PPARA: variants seen among roughly 807,000 people sequenced by gnomAD.
PPARA encodes the protein peroxisome proliferator activated receptor alpha.
In PPARA, 22 loss-of-function variants were observed where a neutral mutation model predicts 42.2. The observed-to-expected ratio is 0.52, with a 90% CI of 0.37 to 0.74. The LOEUF (loss-of-function observed/expected upper bound fraction) is 0.74, where lower values mean the gene tolerates loss of function less well. PPARA is among the 30% of genes least tolerant of loss of function. The pLI is 0.00. For missense variants in PPARA, 465 were observed against 608.2 expected (o/e 0.76, Z 2.48); for synonymous variants, 242 against 239.3 (o/e 1.01, Z -0.10).
chr22:46,205,554 ATTTTT>A (rs1322589111), intron 4 of PPARA, among the ~76,000 whole-genome samples: 14 of 12,892 alleles, frequency 1.1e-3, no homozygotes, highest in South Asian at 7.7e-3. Flanking sequence ...ATATATATAT[ATTTTT>A]TTTTTTTTTT....
At chr22:46,213,882 C>T (rs551522172) in intron 4 of PPARA, among the ~76,000 whole-genome samples, 1 of 152,376 alleles carries the variant, frequency 6.6e-6, no homozygotes, top group East Asian at 1.9e-4. Flanking sequence ...AGCCACCACG[C>T]CTAGCCCCCA....
chr22:46,223,371 G>C (rs893881954), intron 7 of PPARA, among the ~76,000 whole-genome samples: 1 of 152,010 alleles, frequency 6.6e-6, no homozygotes, highest in African/African-American at 2.4e-5. Context: ...GGCCAGGCGC[G>C]GTGGCTCATG....
At chr22:46,197,765 G>A (rs1256594809) in intron 3 of PPARA, among the ~76,000 whole-genome samples, 6 of 151,970 alleles carry the variant, frequency 3.9e-5, no homozygotes, top group South Asian at 4.1e-4. Context: ...CTAGCTGGGC[G>A]TGGTGGCGGG....
chr22:46,230,045 G>A lies in PPARA; in HGVS notation c.712-1747G>A, dbSNP rs774793330. On this transcript the variant is annotated intron_variant, in intron 7 of 8. Coordinates refer to ENST00000407236, the MANE Select transcript of PPARA (RefSeq NM_005036.6). The surrounding 1 kb of genome is among the most constrained non-coding windows in gnomAD (Gnocchi z 5.0). ...TCTTTAAATCCTGGGATGCTTCTGC[G>A]CTTTGGGCTCCACTGTTCCAGCAGT... Among the ~76,000 whole-genome samples the A allele has an allele frequency of 2.6e-5, 4 of 152,182 alleles. No homozygotes were observed. The highest frequency in any genetic ancestry group is 6.5e-5 in the Admixed American group (1 of 15,276).
intron 4 of PPARA, among the ~76,000 whole-genome samples, chr22:46,210,186 G>A (rs1456640181): frequency 6.6e-6 from 1 of 150,972 alleles, no homozygotes; most frequent in Admixed American, 6.6e-5. Flanking sequence ...GCACATGCCT[G>A]TAATCCCAGC....
At chr22:46,198,985 G>T (rs1932698040) in intron 4 of PPARA, among the ~76,000 whole-genome samples, 1 of 152,138 alleles carries the variant, frequency 6.6e-6, no homozygotes, top group Non-Finnish European at 1.5e-5. Context: ...AGCTGGAAAA[G>T]AAGTCACACT....
At position 46,173,157 on chromosome 22, in the gene PPARA, T is replaced by C. The variant is rs555793800; in HGVS notation, c.-126-3596T>C. Reference sequence around the variant, plus strand: ...TGTTTGCTAAATGTTTGAATTATGTTGAGTTGCTTAAAGTCATGCTATCGG... The same window carrying C: ...TGTTTGCTAAATGTTTGAATTATGTCGAGTTGCTTAAAGTCATGCTATCGG... On this transcript the variant is annotated intron_variant, in intron 2 of 8. Transcript: ENST00000407236. The surrounding 1 kb of genome is among the most constrained non-coding windows in gnomAD (Gnocchi z 4.3). Among the ~76,000 whole-genome samples the C allele has an allele frequency of 2.6e-5, 4 of 152,374 alleles. No homozygotes were observed. Among genetic ancestry groups the C allele is most frequent in the South Asian group, 4.1e-4 (2 of 4,828 alleles).
chr22:46,221,465 C>G lies in PPARA; in HGVS notation c.711+1451C>G, dbSNP rs568537043. Reference sequence around the variant, plus strand: ...GACAAACATGCCTACATTCTTTTTCCGCCTTCAGTGAAAAGACAGTGACAT... The same window carrying G: ...GACAAACATGCCTACATTCTTTTTCGGCCTTCAGTGAAAAGACAGTGACAT... On this transcript the variant is annotated intron_variant, in intron 7 of 8. Coordinates refer to ENST00000407236, the MANE Select transcript of PPARA (RefSeq NM_005036.6). The surrounding 1 kb of genome is among the most constrained non-coding windows in gnomAD (Gnocchi z 5.9). 6.6e-6 allele frequency among the ~76,000 whole-genome samples: 1 copy of G among 152,316 alleles called. No individual in the cohort carries two copies. Among genetic ancestry groups the G allele is most frequent in the African/African-American group, 2.4e-5 (1 of 41,580 alleles).
intron 2 of PPARA, among the ~76,000 whole-genome samples, chr22:46,153,021 G>C (rs1924681226): frequency 6.6e-6 from 1 of 152,204 alleles, no homozygotes; most frequent in African/African-American, 2.4e-5. Context: ...GGGAGGTGAA[G>C]GTTTTAGTGA....
intron 7 of PPARA, 81 bp downstream of exon 7, chr22:46,220,095 A>C: frequency 6.8e-7 from 1 of 1,459,954 alleles, no homozygotes; most frequent in Non-Finnish European, 9.5e-7. Flanking sequence ...ACATGTGTTG[A>C]ATGTTGAGAA....
At chr22:46,169,911 T>C (rs1029931001) in intron 2 of PPARA, among the ~76,000 whole-genome samples, 5 of 151,964 alleles carry the variant, frequency 3.3e-5, no homozygotes, top group African/African-American at 1.2e-4. Flanking sequence ...CCTGACTACG[T>C]TTACTTGAAT....
rs1470218741 is a variant in PPARA, at chr22:46,210,997, C to T, written c.209-4176C>T. On this transcript the variant is annotated intron_variant, in intron 4 of 8. Coordinates refer to ENST00000407236, the MANE Select transcript of PPARA (RefSeq NM_005036.6). ...GATGCCCCATGACTTCAGTGATCTT[C>T]CACTGTGGGAGGCGAGAGCAGGACT... is the stretch of plus-strand genomic sequence containing the variant. 7.2e-5 allele frequency among the ~76,000 whole-genome samples: 11 copies of T among 152,286 alleles called. No individual in the cohort carries two copies. The East Asian group carries it at 1.7e-3, about 24-fold the overall frequency.
At chr22:46,217,591 A>G (rs1450437478) in intron 5 of PPARA, among the ~76,000 whole-genome samples, 1 of 152,172 alleles carries the variant, frequency 6.6e-6, no homozygotes, top group Non-Finnish European at 1.5e-5. Flanking sequence ...CTTTAGTCAC[A>G]AATATGGAAA....
At chr22:46,209,835 T>C (rs1430101958) in intron 4 of PPARA, among the ~76,000 whole-genome samples, 2 of 152,106 alleles carry the variant, frequency 1.3e-5, no homozygotes, top group Non-Finnish European at 2.9e-5. Context: ...AGCCCCAACC[T>C]CCTCGTCTCA....
In PPARA at chr22:46,235,603, G is replaced by A. The variant is rs1012869353; in HGVS notation, c.*223G>A. ...GCTGGGGGTAGGTGGCTAATCTCAG[G>A]ACTGGGAAGATTACGGCGAATTATG... On this transcript the variant is annotated 3_prime_UTR_variant, in exon 9 of 9. Transcript: ENST00000407236. The surrounding 1 kb of genome is among the most constrained non-coding windows in gnomAD (Gnocchi z 7.0). 10 of 593,718 alleles carry A rather than the reference G, an allele frequency of 1.7e-5. No homozygotes were observed. The Admixed American group carries it at 2.7e-4, about 16-fold the overall frequency. 36.8% of individuals were successfully genotyped at this position (593,718 alleles called of 1,614,324 possible). A position where few individuals can be genotyped will look rare whatever the true frequency, so the allele number is the denominator to read the frequency against.
At position 46,231,449 on chromosome 22, in the gene PPARA, G is replaced by A. The variant is rs1476852889; in HGVS notation, c.712-343G>A. Among the ~76,000 whole-genome samples, 1 of 152,064 alleles carries A rather than the reference G, an allele frequency of 6.6e-6. No homozygotes were observed. The highest frequency in any genetic ancestry group is 2.4e-5 in the African/African-American group (1 of 41,384). On this transcript the variant is annotated intron_variant, in intron 7 of 8. Transcript: ENST00000407236. This position sits in a 1 kb window ranked among gnomAD's most constrained non-coding sequence, Gnocchi z 7.7. ...CTGGCCAGGCTGGTCTCGAACTCTT[G>A]ACCTCAGGTAAACCACCCACCTCAG... is the stretch of plus-strand genomic sequence containing the variant.
At chr22:46,205,939 A>G (rs1933259639) in intron 4 of PPARA, among the ~76,000 whole-genome samples, 1 of 151,870 alleles carries the variant, frequency 6.6e-6, no homozygotes, top group South Asian at 2.1e-4. Context: ...AACATGGTAT[A>G]TCTTTTCCCA....
Position 46,238,943 on chromosome 22 carries a change from C to T in PPARA, c.*3563C>T, listed in dbSNP as rs1390679463. 7.2e-5 allele frequency: 11 copies of T among 152,278 alleles called. No homozygotes were observed. The highest frequency in any genetic ancestry group is 2.0e-4 in the Admixed American group (3 of 15,274). 9.4% of individuals were successfully genotyped at this position (152,278 alleles called of 1,614,324 possible). A position where few individuals can be genotyped will look rare whatever the true frequency, so the allele number is the denominator to read the frequency against. ...CGGCTGCTGGTGCCTTTCTTCCCACCTCGCTTGCCTGTTTCCGCTTGACCC... is the reference window on the plus strand; with the variant it reads ...CGGCTGCTGGTGCCTTTCTTCCCACTTCGCTTGCCTGTTTCCGCTTGACCC... On this transcript the variant is annotated 3_prime_UTR_variant, in exon 9 of 9. Transcript: ENST00000407236. The surrounding 1 kb of genome is among the most constrained non-coding windows in gnomAD (Gnocchi z 8.3).
chr22:46,191,020 C>T lies in PPARA; in HGVS notation c.-42-7322C>T, dbSNP rs906520518. ...AGCCTGGCCAAACATGGTGAAACCA[C>T]ATCTCTACTAAATATACAAAAAATT... On this transcript the variant is annotated intron_variant, in intron 3 of 8. Transcript: ENST00000407236. The surrounding 1 kb of genome is among the most constrained non-coding windows in gnomAD (Gnocchi z 4.6). Among the ~76,000 whole-genome samples the T allele has an allele frequency of 6.6e-6, 1 of 152,118 alleles. No homozygotes were observed. The highest frequency in any genetic ancestry group is 2.4e-5 in the African/African-American group (1 of 41,438).
Sources: gnomAD v4.1 joint callset for allele counts (sites outside exome capture counted in the v4.1 genomes callset) on GRCh38, gnomAD v4.1.1 for gene constraint, Gnocchi (gnomAD v3.1) non-coding constraint, MANE v1.5 for transcripts, NCBI Gene and HGNC (gene_info 2026-07-23, HGNC 2026-07-21) for gene names.